RGS17: variants seen among roughly 807,000 people sequenced by gnomAD.
The protein encoded by RGS17 is regulator of G-protein signaling 17.
A neutral mutation model predicts 25.5 loss-of-function variants in RGS17; 12 were observed. That is an observed-to-expected ratio of 0.47 (90% CI 0.30 to 0.76). The LOEUF (loss-of-function observed/expected upper bound fraction) is 0.76, where lower values mean the gene tolerates loss of function less well. RGS17 is among the 30% of genes least tolerant of loss of function. The pLI, the probability that RGS17 is intolerant of heterozygous loss-of-function variation, is 0.07. For missense variants in RGS17, 196 were observed against 242.2 expected (o/e 0.81, Z 1.27); for synonymous variants, 71 against 76.9 (o/e 0.92, Z 0.40).
rs1488855796 is a variant in RGS17 at position 153,009,019 on chromosome 6, T to G, written c.*2555A>C. The G allele has an allele frequency of 6.6e-6, 1 of 152,164 alleles. No individual in the cohort carries two copies. The highest frequency in any genetic ancestry group is 2.4e-5 in the African/African-American group (1 of 41,452). The allele number at this position is 152,164 out of a possible 1,614,324, so 9.4% of individuals were successfully genotyped here. ...ATGTGTAAATCTGCTCTCGAATCTT[T>G]TTTAACTCAACTTCCTCATCAGGTT... On this transcript the variant is annotated 3_prime_UTR_variant, in exon 5 of 5. Transcript: ENST00000206262.
chr6:153,094,286 C>G (rs1409470112), intron 1 of RGS17, among the ~76,000 whole-genome samples: 2 of 151,852 alleles, frequency 1.3e-5, no homozygotes, highest in African/African-American at 2.4e-5. Context: ...GCTATGTTGG[C>G]CAGGCTGGTT....
At chr6:153,031,298 T>C (rs1779360972) in intron 2 of RGS17, among the ~76,000 whole-genome samples, 1 of 152,170 alleles carries the variant, frequency 6.6e-6, no homozygotes, top group Admixed American at 6.6e-5. Context: ...TAAAAGCTTG[T>C]GACAAAAAGG....
rs1309402067 is a variant in RGS17, at chr6:153,055,118, C to T, written c.-25-11075G>A. Among the ~76,000 whole-genome samples, 25 of 152,158 alleles carry T rather than the reference C, an allele frequency of 1.6e-4. 1 individual carries two copies. Among genetic ancestry groups the T allele is most frequent in the Admixed American group, 6.5e-5 (1 of 15,276 alleles). ...GGAAGGTCCTTCCCAAATCCCTGAA[C>T]GTGGTAAGTAAGCACGGAAAATTGC... On this transcript the variant is annotated intron_variant, in intron 1 of 4. Transcript: ENST00000206262.
Position 153,005,663 on chromosome 6 carries a change from C to G in RGS17, c.*5911G>C, listed in dbSNP as rs1447082593. On this transcript the variant is annotated 3_prime_UTR_variant, in exon 5 of 5. Transcript: ENST00000206262. ...AAAACCAAAAACCTGTGTCTAGTCA[C>G]GAGAAAAACATCAGACGAATCCCCA... The G allele has an allele frequency of 6.6e-6, 1 of 152,022 alleles. No individual in the cohort carries two copies. The highest frequency in any genetic ancestry group is 1.5e-5 in the Non-Finnish European group (1 of 68,020). The allele number at this position is 152,022 out of a possible 1,614,324, so 9.4% of individuals were successfully genotyped here. A position where few individuals can be genotyped will look rare whatever the true frequency, so the allele number is the denominator to read the frequency against.
chr6:153,114,489 T>C (rs1777516749), intron 1 of RGS17, among the ~76,000 whole-genome samples: 1 of 152,188 alleles, frequency 6.6e-6, no homozygotes, highest in Non-Finnish European at 1.5e-5. Flanking sequence ...CACAGCTGAA[T>C]TCTACCAGAG....
At chr6:153,034,031 A>G (rs1776200991) in intron 2 of RGS17, among the ~76,000 whole-genome samples, 1 of 152,206 alleles carries the variant, frequency 6.6e-6, no homozygotes, top group East Asian at 1.9e-4. Flanking sequence ...TGACTTTAGA[A>G]GGCTGGGTCC....
At chr6:153,055,011 T>C (rs935972730) in intron 1 of RGS17, among the ~76,000 whole-genome samples, 17 of 152,224 alleles carry the variant, frequency 1.1e-4, no homozygotes, top group African/African-American at 3.9e-4. Context: ...TTTTGCTACA[T>C]AGCTGGGGCG....
chr6:153,015,068 T>C (rs1419816971), intron 4 of RGS17, among the ~76,000 whole-genome samples: 4 of 152,092 alleles, frequency 2.6e-5, no homozygotes, highest in African/African-American at 9.7e-5. Flanking sequence ...GTAATAGAAC[T>C]AGAATTAGAA....
intron 1 of RGS17, among the ~76,000 whole-genome samples, chr6:153,124,303 G>A (rs371713120): frequency 6.6e-6 from 1 of 152,154 alleles, no homozygotes; most frequent in African/African-American, 2.4e-5. Context: ...ACACAGCCTA[G>A]CACATAGTGG....
chr6:153,065,245 T>C (rs1322385257), intron 1 of RGS17, among the ~76,000 whole-genome samples: 1 of 152,078 alleles, frequency 6.6e-6, no homozygotes, highest in Non-Finnish European at 1.5e-5. Context: ...AACAAGAGGA[T>C]ATAACAATTT....
Position 153,021,926 on chromosome 6 carries a change from G to A in RGS17, c.444+2336C>T, listed in dbSNP as rs376197866. 5.9e-5 allele frequency among the ~76,000 whole-genome samples: 9 copies of A among 152,178 alleles called. 1 individual carries two copies. The highest frequency in any genetic ancestry group is 1.9e-4 in the East Asian group (1 of 5,180). Reference sequence around the variant, plus strand: ...CAAAAGAAAGAAATTAGGTGAAAACGGCCAGGCGCAGTGGCTCACACCCGT... The same window carrying A: ...CAAAAGAAAGAAATTAGGTGAAAACAGCCAGGCGCAGTGGCTCACACCCGT... On this transcript the variant is annotated intron_variant, in intron 4 of 4. Transcript: ENST00000206262.
At chr6:153,060,163 C>T (rs1350647764) in intron 1 of RGS17, among the ~76,000 whole-genome samples, 3 of 152,140 alleles carry the variant, frequency 2.0e-5, no homozygotes, top group Admixed American at 6.5e-5. Flanking sequence ...ACGGAGTGTC[C>T]TAGTGAAGCC....
chr6:153,088,300 G>A lies in RGS17; in HGVS notation c.-26+42824C>T, dbSNP rs951609620. Among the ~76,000 whole-genome samples the A allele has an allele frequency of 7.9e-5, 12 of 152,140 alleles. 1 individual carries two copies. Among genetic ancestry groups the A allele is most frequent in the Admixed American group, 7.9e-4 (12 of 15,260 alleles). On this transcript the variant is annotated intron_variant, in intron 1 of 4. Transcript: ENST00000206262. ...CCTGACCCATAGGAACTGTGAGATA[G>A]TATTTATTGGTTTTGCTCCTAAATT...
At chr6:153,087,085 T>C (rs1205058742) in intron 1 of RGS17, among the ~76,000 whole-genome samples, 2 of 151,988 alleles carry the variant, frequency 1.3e-5, no homozygotes, top group Non-Finnish European at 2.9e-5. Context: ...GAGTTTGAGA[T>C]CAACCTGGCC....
intron 1 of RGS17, among the ~76,000 whole-genome samples, chr6:153,048,367 TTC>T (rs1281675214): frequency 6.6e-6 from 1 of 152,200 alleles, no homozygotes; most frequent in Non-Finnish European, 1.5e-5. Context: ...GCTACCCATC[TTC>T]TGTTTCTACC....
At chr6:153,129,009 G>A (rs1199923473) in intron 1 of RGS17, among the ~76,000 whole-genome samples, 3 of 152,104 alleles carry the variant, frequency 2.0e-5, no homozygotes, top group Non-Finnish European at 4.4e-5. Context: ...TAAATTCGAC[G>A]GTTTTCTTAA....
At chr6:153,072,008 C>A (rs999012713) in intron 1 of RGS17, among the ~76,000 whole-genome samples, 2 of 152,090 alleles carry the variant, frequency 1.3e-5, no homozygotes, top group Non-Finnish European at 2.9e-5. Flanking sequence ...AGTGAGCTGT[C>A]AATTGATGTT....
At chr6:153,064,213 T>TA (rs1776676259) in intron 1 of RGS17, among the ~76,000 whole-genome samples, 1 of 152,206 alleles carries the variant, frequency 6.6e-6, no homozygotes, top group Non-Finnish European at 1.5e-5. Context: ...GTAACTGTGG[T>TA]ATGTAAACTA....
At position 153,122,632 on chromosome 6, in the gene RGS17, T is replaced by TTTTG. The variant is rs527343855; in HGVS notation, c.-26+8488_-26+8491dup. ...CAGAAGAAAATAAGACAGTAGGGTT[T>TTTTG]TTTGTTTGTTTGTTTTTTCCTGGCA... On this transcript the variant is annotated intron_variant, in intron 1 of 4. Transcript: ENST00000206262. 4.3e-3 allele frequency among the ~76,000 whole-genome samples: 650 copies of TTTTG among 152,128 alleles called. 2 individuals are homozygous for TTTTG. Among genetic ancestry groups the TTTTG allele is most frequent in the African/African-American group, 0.015 (621 of 41,522 alleles).
Sources: allele counts gnomAD v4.1 joint callset (sites outside exome capture counted in the v4.1 genomes callset), GRCh38; gene constraint gnomAD v4.1.1; transcripts MANE v1.5; gene names NCBI Gene and HGNC (gene_info 2026-07-23, HGNC 2026-07-21).